Variants in BTRC observed in about 807,000 individuals in gnomAD.
The protein encoded by BTRC is beta-transducin repeat containing E3 ubiquitin protein ligase, also known as F-box/WD repeat-containing protein 1A.
Under a neutral mutation model 85.5 loss-of-function variants are expected in BTRC, and 42 were observed. The ratio of observed to expected loss-of-function variants is 0.49; its 90% confidence interval spans 0.38 to 0.64. BTRC has a LOEUF of 0.64. BTRC is among the 30% of genes least tolerant of loss of function. The pLI is 0.00. For missense variants in BTRC, 594 were observed against 743.5 expected (o/e 0.80, Z 2.34); for synonymous variants, 255 against 263.3 (o/e 0.97, Z 0.30).
chr10:101,533,109 C>G (rs373252202), intron 9 of BTRC, 39 bp downstream of exon 9: 177 of 1,401,520 alleles, frequency 1.3e-4, no homozygotes, highest in Non-Finnish European at 1.7e-4. Flanking sequence ...TCTGAAATAT[C>G]AGCTCTGCTC....
At chr10:101,467,177 G>A (rs575467238) in intron 3 of BTRC, among the ~76,000 whole-genome samples, 18 of 141,412 alleles carry the variant, frequency 1.3e-4, no homozygotes, top group Admixed American at 9.7e-4. Flanking sequence ...TTTTTCAAGA[G>A]AGCTCCTTTT....
At chr10:101,391,559 A>C (rs1176718134) in intron 1 of BTRC, among the ~76,000 whole-genome samples, 1 of 152,148 alleles carries the variant, frequency 6.6e-6, no homozygotes, top group Non-Finnish European at 1.5e-5. Flanking sequence ...TGTTCATCTG[A>C]TGTATGTTGG....
intron 1 of BTRC, among the ~76,000 whole-genome samples, chr10:101,411,600 A>C (rs1191883474): frequency 6.6e-6 from 1 of 152,164 alleles, no homozygotes; most frequent in Non-Finnish European, 1.5e-5. Flanking sequence ...ATCATTTCAA[A>C]CATTGTATTT....
chr10:101,447,374 G>A (rs954428917), intron 2 of BTRC, among the ~76,000 whole-genome samples: 3 of 152,126 alleles, frequency 2.0e-5, no homozygotes, highest in African/African-American at 7.2e-5. Context: ...AATGTCCTTT[G>A]TACAGCAGTG....
chr10:101,461,770 C>T (rs987890793), intron 2 of BTRC, among the ~76,000 whole-genome samples: 6 of 152,128 alleles, frequency 3.9e-5, no homozygotes, highest in African/African-American at 1.4e-4. Context: ...AAATACTTCC[C>T]ATCTAAATCC....
At chr10:101,438,719 A>G (rs1944602828) in intron 2 of BTRC, among the ~76,000 whole-genome samples, 1 of 152,114 alleles carries the variant, frequency 6.6e-6, no homozygotes, top group Non-Finnish European at 1.5e-5. Flanking sequence ...TTGTAATATA[A>G]TATTAGTATA....
chr10:101,548,334 A>G (rs1036514797), intron 13 of BTRC, among the ~76,000 whole-genome samples: 4 of 152,234 alleles, frequency 2.6e-5, no homozygotes, highest in African/African-American at 9.6e-5. Context: ...CCCTATGTCC[A>G]CCAACAAGAG....
intron 1 of BTRC, among the ~76,000 whole-genome samples, chr10:101,403,950 T>A (rs547914325): frequency 7.7e-4 from 115 of 149,058 alleles, no homozygotes; most frequent in South Asian, 5.3e-3. Flanking sequence ...CTTTCAAGAG[T>A]GTTTTTAGTT....
At chr10:101,496,110 TTATACA>T (rs1427669024) in intron 4 of BTRC, among the ~76,000 whole-genome samples, 2 of 152,150 alleles carry the variant, frequency 1.3e-5, no homozygotes, top group African/African-American at 4.8e-5. Context: ...TAATATTTCA[TTATACA>T]TATATGCCAT....
chr10:101,392,233 C>T (rs1943253950), intron 1 of BTRC, among the ~76,000 whole-genome samples: 1 of 152,186 alleles, frequency 6.6e-6, no homozygotes, highest in Non-Finnish European at 1.5e-5. Context: ...CCGCCTTGGC[C>T]TCCCAAACTG....
intron 1 of BTRC, among the ~76,000 whole-genome samples, chr10:101,383,973 C>T (rs191681436): frequency 1.3e-5 from 2 of 152,244 alleles, no homozygotes; most frequent in Non-Finnish European, 2.9e-5. Context: ...TCTCAGCCTC[C>T]CAAATAGTTG....
intron 2 of BTRC, among the ~76,000 whole-genome samples, chr10:101,441,958 T>G (rs780492581): frequency 9.9e-5 from 15 of 150,974 alleles, no homozygotes; most frequent in Non-Finnish European, 1.9e-4. Context: ...ATTTAAATAA[T>G]GTAATTTAAT....
intron 4 of BTRC, among the ~76,000 whole-genome samples, chr10:101,519,345 G>C (rs1847934098): frequency 6.6e-6 from 1 of 152,064 alleles, no homozygotes. Context: ...CTCCCAAAGT[G>C]CTGGGATTAC....
chr10:101,438,029 G>T (rs983726337), intron 2 of BTRC, among the ~76,000 whole-genome samples: 9 of 152,090 alleles, frequency 5.9e-5, no homozygotes, highest in African/African-American at 2.2e-4. Context: ...CTGTAAAATT[G>T]ACATGAAGAA....
chr10:101,386,593 T>C lies in BTRC; in HGVS notation c.48+32365T>C, dbSNP rs140063679. On this transcript the variant is annotated intron_variant, in intron 1 of 14. Transcript: ENST00000370187. ...TTAGAAAAAGAGTTTTTATGAGATATCGATAAAAAGTATTGTGGAATACTT... is the reference window on the plus strand; with the variant it reads ...TTAGAAAAAGAGTTTTTATGAGATACCGATAAAAAGTATTGTGGAATACTT... Among the ~76,000 whole-genome samples, 5 of 152,316 alleles carry C rather than the reference T, an allele frequency of 3.3e-5. No individual in the cohort carries two copies. The East Asian group carries it at 9.6e-4, about 29-fold the overall frequency.
chr10:101,458,367 TA>T (rs1284836276), intron 2 of BTRC, among the ~76,000 whole-genome samples: 3 of 152,142 alleles, frequency 2.0e-5, no homozygotes, highest in African/African-American at 7.2e-5. Flanking sequence ...GGTTGACTAT[TA>T]AGGAGAATTT....
intron 4 of BTRC, among the ~76,000 whole-genome samples, chr10:101,511,696 A>G (rs1017212395): frequency 9.9e-5 from 15 of 152,078 alleles, no homozygotes; most frequent in Non-Finnish European, 1.5e-4. Context: ...TAATTTTTGT[A>G]TTTTTAATAG....
rs1397017023 is a variant in BTRC, at chr10:101,555,151, T to G, written c.*2028T>G. 1 of 152,576 alleles carries G rather than the reference T, an allele frequency of 6.6e-6. No individual in the cohort carries two copies. The highest frequency in any genetic ancestry group is 2.4e-5 in the African/African-American group (1 of 41,430). The allele number at this position is 152,576 out of a possible 1,614,324, so 9.5% of individuals were successfully genotyped here. ...TAATGGCTTTTTGATTGGGTAAGGA[T>G]TTTGCTATAGATGAAGGTAGAGGGC... On this transcript the variant is annotated 3_prime_UTR_variant, in exon 15 of 15. Transcript: ENST00000370187.
intron 1 of BTRC, among the ~76,000 whole-genome samples, chr10:101,360,585 A>G (rs551598804): frequency 4.7e-5 from 7 of 150,172 alleles, no homozygotes; most frequent in South Asian, 2.1e-4. Flanking sequence ...TGGCCAGGCT[A>G]TTCTTGAACT....
Sources: gnomAD v4.1 joint callset for allele counts (sites outside exome capture counted in the v4.1 genomes callset) on GRCh38, gnomAD v4.1.1 for gene constraint, MANE v1.5 for transcripts, NCBI Gene and HGNC (gene_info 2026-07-23, HGNC 2026-07-21) for gene names.